SCFD1: variants seen among roughly 807,000 people sequenced by gnomAD.
SCFD1 encodes the protein sec1 family domain containing 1, also known as sec1 family domain-containing protein 1.
Under a neutral mutation model 103.2 loss-of-function variants are expected in SCFD1, and 37 were observed. The observed-to-expected ratio is 0.36, with a 90% confidence interval of 0.28 to 0.47. The LOEUF is 0.47. SCFD1 is among the 20% of genes least tolerant of loss of function. SCFD1 has a pLI of 1.00. For missense variants in SCFD1, 639 were observed against 761.2 expected, an observed-to-expected ratio of 0.84 and a Z score of 1.89; for synonymous variants, 264 against 245.0, an observed-to-expected ratio of 1.08 and a Z score of -0.73.
chr14:30,641,499 T>A (rs1885271684), intron 6 of SCFD1, among the ~76,000 whole-genome samples: 1 of 152,182 alleles, frequency 6.6e-6, no homozygotes, highest in Non-Finnish European at 1.5e-5. Flanking sequence ...GTGCCAGTAA[T>A]TAACAAAAAT....
Position 30,722,539 on chromosome 14 carries a change from A to C in SCFD1, c.1816A>C (p.Asn606His). The C allele has an allele frequency of 6.2e-7, 1 of 1,603,146 alleles. No individual in the cohort carries two copies. Among genetic ancestry groups the C allele is most frequent in the Non-Finnish European group, 8.5e-7 (1 of 1,173,790 alleles). The change falls in exon 23 of 25, where the codon AAT (asparagine) becomes CAT (histidine). Residue 606 changes from asparagine to histidine, a missense_variant. By Grantham distance (68) the Asn-to-His change is moderately conservative. Transcript: ENST00000458591. ...VGGGNYIEYQNLVDYIKGKQG... is the reference protein window; with the variant it reads ...VGGGNYIEYQHLVDYIKGKQG... ...AGGAGGCAACTACATTGAATATCAG[A>C]ATCTTGTTGACTACATAAAGGTACA...
At chr14:30,698,126 C>T (rs1212875362) in intron 15 of SCFD1, among the ~76,000 whole-genome samples, 1 of 152,138 alleles carries the variant, frequency 6.6e-6, no homozygotes, top group Non-Finnish European at 1.5e-5. Flanking sequence ...TCAGGGAGAA[C>T]AAAAGCTCTC....
Position 30,653,494 on chromosome 14 carries a change from A to G in SCFD1, c.761A>G (p.Gln254Arg), listed in dbSNP as rs1195453377. 6 of 1,608,004 alleles carry G rather than the reference A, an allele frequency of 3.7e-6. No homozygotes were observed. Among genetic ancestry groups the G allele is most frequent in the Non-Finnish European group, 5.1e-6 (6 of 1,175,070 alleles). Residue 254 changes from glutamine to arginine, a missense_variant, in exon 10 of 25, where the codon CAG becomes CGG. Physicochemically the swap from Gln to Arg is conservative, Grantham distance 43. Coordinates refer to ENST00000458591, the MANE Select transcript of SCFD1 (RefSeq NM_016106.4). ...TTTTATATGTATATTTACAGCTTCC[A>G]GAGGCCCTTATTAGTCCTTGTTGAC... ...DTLGAGQFSFQRPLLVLVDRN... is the reference protein window; with the variant it reads ...DTLGAGQFSFRRPLLVLVDRN...
chr14:30,724,072 T>TTA (rs764586666), intron 23 of SCFD1, among the ~76,000 whole-genome samples: 7 of 91,358 alleles, frequency 7.7e-5, no homozygotes, highest in Non-Finnish European at 9.7e-5. Context: ...ACCAGTATCT[T>TTA]AAAAAAAAAA....
chr14:30,702,390 CT>C lies in SCFD1; in HGVS notation c.1490+17del. 1 of 1,464,216 alleles carries C rather than the reference CT, an allele frequency of 6.8e-7. No homozygotes were observed. The highest frequency in any genetic ancestry group is 1.4e-5 in the African/African-American group (1 of 70,604). The allele number at this position is 1,464,216 out of a possible 1,614,324, so 90.7% of individuals were successfully genotyped here. A position where few individuals can be genotyped will look rare whatever the true frequency, so the allele number is the denominator to read the frequency against. ...AAACAGTGGAAGTAAGTTTTATTTT[CT>C]TCTTTAATTCCTGTCATTTAAAAGA... On this transcript the variant is annotated intron_variant, in intron 17 of 24. Transcript: ENST00000458591.
chr14:30,660,540 T>G (rs569009724), intron 10 of SCFD1, among the ~76,000 whole-genome samples: 1 of 152,294 alleles, frequency 6.6e-6, no homozygotes, highest in African/African-American at 2.4e-5. Context: ...TATTGCCTCT[T>G]TATTTTAATT....
chr14:30,640,209 A>G (rs1301015025), intron 6 of SCFD1, among the ~76,000 whole-genome samples: 1 of 152,182 alleles, frequency 6.6e-6, no homozygotes, highest in Non-Finnish European at 1.5e-5. Context: ...GACAAGAACA[A>G]GTTAGCTTGC....
At chr14:30,634,528 A>G (rs1403102470) in intron 4 of SCFD1, among the ~76,000 whole-genome samples, 1 of 152,172 alleles carries the variant, frequency 6.6e-6, no homozygotes, top group Non-Finnish European at 1.5e-5. Flanking sequence ...TCAGGCATCC[A>G]CTGGAGTCTT....
intron 3 of SCFD1, among the ~76,000 whole-genome samples, chr14:30,632,402 A>G (rs749649182): frequency 1.3e-5 from 2 of 152,174 alleles, no homozygotes; most frequent in African/African-American, 4.8e-5. Context: ...CACTGATGAT[A>G]TGTCATAACT....
chr14:30,711,859 G>A (rs574513051), intron 19 of SCFD1, among the ~76,000 whole-genome samples: 15 of 152,104 alleles, frequency 9.9e-5, no homozygotes, highest in African/African-American at 2.6e-4. Flanking sequence ...TTAAAACAAC[G>A]TAGGGGAATG....
intron 23 of SCFD1, among the ~76,000 whole-genome samples, chr14:30,733,990 A>G (rs1360057133): frequency 6.6e-6 from 1 of 152,162 alleles, no homozygotes; most frequent in African/African-American, 2.4e-5. Flanking sequence ...TGACCCATAT[A>G]CCATCTCATT....
intron 23 of SCFD1, among the ~76,000 whole-genome samples, chr14:30,731,722 G>C (rs1893483356): frequency 6.6e-6 from 1 of 152,214 alleles, no homozygotes; most frequent in African/African-American, 2.4e-5. Context: ...AGACTTTGCT[G>C]AAGTTGCTTA....
Position 30,714,310 on chromosome 14 carries a change from C to T in SCFD1, c.1630-1614C>T, listed in dbSNP as rs1266483982. Among the ~76,000 whole-genome samples, 5 of 150,190 alleles carry T rather than the reference C, an allele frequency of 3.3e-5. No individual in the cohort carries two copies. The South Asian group carries it at 6.3e-4, about 19-fold the overall frequency. On this transcript the variant is annotated intron_variant, in intron 19 of 24. Transcript: ENST00000458591. ...CGGAGCTTGCAGTGAGCCGAGATTG[C>T]GCCACTGCAGTCCGCAGTCCGGCCT...
rs930492720 is a variant in SCFD1, at chr14:30,711,891, T to G, written c.1629+3826T>G. 3.9e-5 allele frequency among the ~76,000 whole-genome samples: 6 copies of G among 151,952 alleles called. No homozygotes were observed. In the East Asian group the frequency reaches 1.2e-3, roughly 30 times the overall value. On this transcript the variant is annotated intron_variant, in intron 19 of 24. Transcript: ENST00000458591. ...AATGGGTAGTAGGTGATAGTACAGG[T>G]GAAATAAGATTTGCCACGAGTTAAT...
At chr14:30,704,048 A>ATCAATAT (rs1891300569) in intron 17 of SCFD1, among the ~76,000 whole-genome samples, 1 of 150,166 alleles carries the variant, frequency 6.7e-6, no homozygotes, top group African/African-American at 2.4e-5. Flanking sequence ...AGGTAATTTT[A>ATCAATAT]TCAATATTCT....
chr14:30,622,936 CAAAT>C (rs1002229492), intron 1 of SCFD1, among the ~76,000 whole-genome samples: 5 of 152,280 alleles, frequency 3.3e-5, no homozygotes, highest in South Asian at 2.1e-4. Context: ...AATGGCAAAA[CAAAT>C]GAATTAATAG....
chr14:30,675,621 T>G (rs1407130019), intron 14 of SCFD1, among the ~76,000 whole-genome samples: 2 of 152,184 alleles, frequency 1.3e-5, no homozygotes, highest in African/African-American at 2.4e-5. Flanking sequence ...GCTTACTTAA[T>G]CAGTCCTTCA....
At chr14:30,705,313 T>A (rs1272778900) in intron 17 of SCFD1, among the ~76,000 whole-genome samples, 5 of 152,198 alleles carry the variant, frequency 3.3e-5, no homozygotes, top group Non-Finnish European at 5.9e-5. Context: ...GGCATGTACC[T>A]GGAAACAAGG....
intron 1 of SCFD1, among the ~76,000 whole-genome samples, chr14:30,625,992 G>A (rs957775665): frequency 6.6e-6 from 1 of 152,110 alleles, no homozygotes; most frequent in Admixed American, 6.5e-5. Context: ...CCCAGAAACA[G>A]GGTTTCCTCC....
Sources: allele counts gnomAD v4.1 joint callset (sites outside exome capture counted in the v4.1 genomes callset), GRCh38; gene constraint gnomAD v4.1.1; transcripts MANE v1.5; gene names NCBI Gene and HGNC (gene_info 2026-07-23, HGNC 2026-07-21).